The following SMYD3 variants were observed in gnomAD, a reference collection of about 807,000 sequenced individuals.
The protein encoded by SMYD3 is SET and MYND domain containing 3.
In SMYD3, 36 loss-of-function variants were observed where a neutral mutation model predicts 57.7. The ratio of observed to expected loss-of-function variants is 0.62; its 90% CI spans 0.48 to 0.82. SMYD3 has a LOEUF of 0.82. Ranked by LOEUF, SMYD3 falls within the 40% of genes least tolerant of loss-of-function variation. The probability of loss-of-function intolerance (pLI) is 0.00; values close to 1 mark genes in which losing one functional copy is unlikely to be tolerated. For missense variants in SMYD3, 515 were observed against 538.8 expected, an observed-to-expected ratio of 0.96 and a Z score of 0.44; for synonymous variants, 211 against 195.0, an observed-to-expected ratio of 1.08 and a Z score of -0.68.
intron 11 of SMYD3, among the ~76,000 whole-genome samples, chr1:245,758,699 A>G (rs1278267650): frequency 6.6e-6 from 1 of 151,666 alleles, no homozygotes; most frequent in Non-Finnish European, 1.5e-5. Flanking sequence ...GAGATTTTCT[A>G]TTTTTTCCAT....
intron 5 of SMYD3, among the ~76,000 whole-genome samples, chr1:246,103,510 T>G (rs1012324311): frequency 2.6e-5 from 4 of 152,028 alleles, no homozygotes; most frequent in Non-Finnish European, 5.9e-5. Context: ...TCATTCACTT[T>G]CACCTCTGAG....
intron 5 of SMYD3, among the ~76,000 whole-genome samples, chr1:245,943,491 T>G (rs1448016516): frequency 2.6e-5 from 4 of 152,072 alleles, no homozygotes; most frequent in Admixed American, 2.6e-4. Context: ...GAGGCAGTAA[T>G]AGCCTACCAA....
At chr1:246,169,572 C>G (rs553283623) in intron 5 of SMYD3, among the ~76,000 whole-genome samples, 6 of 152,078 alleles carry the variant, frequency 3.9e-5, no homozygotes, top group African/African-American at 1.2e-4. Flanking sequence ...GGCAGAATAA[C>G]AATGGATAGC....
intron 5 of SMYD3, among the ~76,000 whole-genome samples, chr1:246,241,101 T>G (rs1162090533): frequency 6.6e-6 from 1 of 152,000 alleles, no homozygotes; most frequent in Non-Finnish European, 1.5e-5. Context: ...CCTGCCTGAT[T>G]GCCCTGGCCA....
intron 10 of SMYD3, among the ~76,000 whole-genome samples, chr1:245,823,345 T>C (rs376702541): frequency 1.2e-5 from 1 of 80,124 alleles, no homozygotes; most frequent in African/African-American, 2.8e-5. Flanking sequence ...GCGCTCGTGC[T>C]TGCTCGCTCT....
chr1:246,445,101 A>C (rs2067533102), intron 1 of SMYD3, among the ~76,000 whole-genome samples: 3 of 152,214 alleles, frequency 2.0e-5, no homozygotes, highest in Admixed American at 1.3e-4. Context: ...AATTGTTGTG[A>C]GGATTAAATG....
At chr1:246,343,027 A>G (rs1290726409) in intron 2 of SMYD3, among the ~76,000 whole-genome samples, 1 of 152,234 alleles carries the variant, frequency 6.6e-6, no homozygotes, top group Non-Finnish European at 1.5e-5. Flanking sequence ...ACAGGGATAG[A>G]GCCACACTTA....
Position 246,375,306 on chromosome 1 carries a change from C to G in SMYD3, c.165-20212G>C, listed in dbSNP as rs537535385. Among the ~76,000 whole-genome samples, 4 of 135,438 alleles carry G rather than the reference C, an allele frequency of 3.0e-5. No homozygotes were observed. In the East Asian group the frequency reaches 9.2e-4, roughly 31 times the overall value. The allele number at this position is 135,438 out of a possible 152,430, so 88.9% of individuals were successfully genotyped here. ...ACCTACTGGAAATAATAAAAATGAA[C>G]TACATTTCTAATGAGAGACTTTTTT... On this transcript the variant is annotated intron_variant, in intron 1 of 11. Coordinates refer to ENST00000490107, the MANE Select transcript of SMYD3 (RefSeq NM_001167740.2).
chr1:246,078,551 G>A (rs1456810253), intron 5 of SMYD3, among the ~76,000 whole-genome samples: 4 of 152,148 alleles, frequency 2.6e-5, no homozygotes, highest in Admixed American at 2.6e-4. Flanking sequence ...ATCTTTCAAG[G>A]TCAAGAAGTT....
intron 10 of SMYD3, among the ~76,000 whole-genome samples, chr1:245,800,094 C>T (rs2047781481): frequency 6.6e-6 from 1 of 151,970 alleles, no homozygotes; most frequent in South Asian, 2.1e-4. Flanking sequence ...TCCTGTCCCG[C>T]TTCCTTCATC....
intron 5 of SMYD3, among the ~76,000 whole-genome samples, chr1:246,136,701 A>T (rs2061670864): frequency 6.6e-6 from 1 of 152,242 alleles, no homozygotes; most frequent in African/African-American, 2.4e-5. Context: ...GAACCAACAT[A>T]GGAACCAATG....
chr1:246,434,260 T>C (rs2067338100), intron 1 of SMYD3, among the ~76,000 whole-genome samples: 1 of 152,082 alleles, frequency 6.6e-6, no homozygotes, highest in East Asian at 1.9e-4. Context: ...TCAAAAGCAA[T>C]TGCAACAAAA....
intron 5 of SMYD3, among the ~76,000 whole-genome samples, chr1:246,107,185 G>T (rs932482772): frequency 6.6e-6 from 1 of 150,862 alleles, no homozygotes; most frequent in Non-Finnish European, 1.5e-5. Context: ...TACTCGGGAG[G>T]TTGAGGCAGG....
At chr1:245,784,749 T>A (rs2046965724) in intron 10 of SMYD3, among the ~76,000 whole-genome samples, 1 of 152,062 alleles carries the variant, frequency 6.6e-6, no homozygotes, top group African/African-American at 2.4e-5. Context: ...ACCCTAGCCT[T>A]GGAAGTCGCA....
At chr1:246,056,056 A>C (rs1428151858) in intron 5 of SMYD3, among the ~76,000 whole-genome samples, 1 of 152,204 alleles carries the variant, frequency 6.6e-6, no homozygotes, top group Non-Finnish European at 1.5e-5. Flanking sequence ...GTAAAGAAAA[A>C]AGTGGCACAG....
chr1:246,090,609 C>T (rs761760157), intron 5 of SMYD3, among the ~76,000 whole-genome samples: 28 of 151,830 alleles, frequency 1.8e-4, no homozygotes, highest in Middle Eastern at 3.4e-3. Flanking sequence ...CCCCCATCTC[C>T]CAGGTTCAAG....
At chr1:246,040,904 T>C (rs1389693109) in intron 5 of SMYD3, among the ~76,000 whole-genome samples, 4 of 152,154 alleles carry the variant, frequency 2.6e-5, no homozygotes, top group Admixed American at 1.3e-4. Flanking sequence ...TTTCCCTCTC[T>C]GATATATATA....
At chr1:246,478,944 T>C in intron 1 of SMYD3, among the ~76,000 whole-genome samples, 1 of 149,796 alleles carries the variant, frequency 6.7e-6, no homozygotes, top group Non-Finnish European at 1.5e-5. Context: ...CTGGAGCTGG[T>C]ACATAAGTGC....
At chr1:246,424,558 A>G (rs1291888636) in intron 1 of SMYD3, among the ~76,000 whole-genome samples, 1 of 152,210 alleles carries the variant, frequency 6.6e-6, no homozygotes, top group Non-Finnish European at 1.5e-5. Context: ...ATTGATATAA[A>G]TGTCTGCCTG....
Sources: gnomAD v4.1 joint callset for allele counts (sites outside exome capture counted in the v4.1 genomes callset) on GRCh38, gnomAD v4.1.1 for gene constraint, MANE v1.5 for transcripts, NCBI Gene and HGNC (gene_info 2026-07-23, HGNC 2026-07-21) for gene names.